The following THBS4 variants were observed in gnomAD, a reference collection of about 807,000 sequenced individuals.
The protein encoded by THBS4 is thrombospondin-4.
THBS4 carries 90 observed loss-of-function variants against 115.7 expected under a neutral mutation model. The ratio of observed to expected loss-of-function variants is 0.78; its 90% CI spans 0.66 to 0.93. The LOEUF (loss-of-function observed/expected upper bound fraction) is 0.93. THBS4 is among the 40% of genes least tolerant of loss of function. The probability of loss-of-function intolerance (pLI) is 0.00; values close to 1 mark genes in which losing one functional copy is unlikely to be tolerated. For missense variants in THBS4, 1,087 were observed against 1,232.7 expected, an observed-to-expected ratio of 0.88 and a Z score of 1.77; for synonymous variants, 460 against 479.3, an observed-to-expected ratio of 0.96 and a Z score of 0.53.
intron 1 of THBS4, chr5:79,998,275 C>T (rs536690420): frequency 3.7e-4 from 56 of 152,384 alleles, no homozygotes; most frequent in African/African-American, 1.2e-3. Flanking sequence ...TCTCATGAGT[C>T]CTGGTTGTTT....
At chr5:80,066,049 C>T (rs1008541940) in intron 9 of THBS4, among the ~76,000 whole-genome samples, 4 of 147,836 alleles carry the variant, frequency 2.7e-5, no homozygotes, top group East Asian at 2.0e-4. Context: ...GAGCCGAGAT[C>T]GCACCACTGC....
chr5:80,081,004 CTT>C (rs1425571495), intron 20 of THBS4, among the ~76,000 whole-genome samples: 3 of 152,068 alleles, frequency 2.0e-5, no homozygotes, highest in East Asian at 1.9e-4. Flanking sequence ...CTTTATAGGA[CTT>C]TTTTGTTGTT....
intron 11 of THBS4, 90 bp downstream of exon 11, chr5:80,070,500 T>C: frequency 6.9e-7 from 1 of 1,440,740 alleles, no homozygotes; most frequent in Non-Finnish European, 9.7e-7. Flanking sequence ...GGATCTAATT[T>C]AAAATTGTAC....
chr5:80,051,767 C>T (rs780150562), intron 2 of THBS4, among the ~76,000 whole-genome samples: 15 of 152,144 alleles, frequency 9.9e-5, no homozygotes, highest in Non-Finnish European at 1.6e-4. Flanking sequence ...ATTTAGTGTG[C>T]ACCTGCTATA....
chr5:80,038,958 A>G lies in THBS4; in HGVS notation c.89-1119A>G, dbSNP rs184630048. Among the ~76,000 whole-genome samples, 47 of 152,344 alleles carry G rather than the reference A, an allele frequency of 3.1e-4. No individual in the cohort carries two copies. In the East Asian group the frequency reaches 8.7e-3, roughly 28 times the overall value. On this transcript the variant is annotated intron_variant, in intron 1 of 21. Transcript: ENST00000350881. Reference sequence around the variant, plus strand: ...ATTTTCCAATTCGATGGTGAAAACAATACGTTATTGTTTAAGTTAGCAACT... The same window carrying G: ...ATTTTCCAATTCGATGGTGAAAACAGTACGTTATTGTTTAAGTTAGCAACT...
chr5:80,065,446 G>A lies in THBS4; in HGVS notation c.1163G>A (p.Cys388Tyr), dbSNP rs755582206. The A allele has an allele frequency of 3.1e-6, 5 of 1,613,762 alleles. No homozygotes were observed. Among genetic ancestry groups the A allele is most frequent in the Non-Finnish European group, 4.2e-6 (5 of 1,179,912 alleles). ...ATTGATGAGTGTCGAAATGGAGCGT[G>A]CGTTCCCAACTCGATCTGCGTTAAT... ...TDIDECRNGA[C>Y]VPNSICVNTL... The change falls in exon 9 of 22, where the codon TGC becomes TAC. Residue 388 changes from cysteine (C) to tyrosine (Y), a missense_variant. This residue lies in a region of THBS4 where 979 missense variants were observed against 1,103.7 expected (regional missense o/e 0.89). Transcript: ENST00000350881.
upstream of THBS4, among the ~76,000 whole-genome samples, chr5:80,030,450 C>T (rs955714423): frequency 1.3e-5 from 2 of 152,152 alleles, no homozygotes; most frequent in Non-Finnish European, 2.9e-5. Flanking sequence ...TCACTGCAAC[C>T]TCCACCTCCC....
intron 2 of THBS4, among the ~76,000 whole-genome samples, chr5:80,028,844 GT>G (rs1832530479): frequency 1.3e-5 from 2 of 152,010 alleles, no homozygotes; most frequent in Non-Finnish European, 2.9e-5. Flanking sequence ...TAATACTAGT[GT>G]TCCCCAGTGT....
At position 80,060,169 on chromosome 5, in the gene THBS4, C is replaced by T. The variant is rs141655023; in HGVS notation, c.987+264C>T. On this transcript the variant is annotated intron_variant, in intron 7 of 21. Coordinates refer to ENST00000350881, the MANE Select transcript of THBS4 (RefSeq NM_003248.6). ...ACAGTGCTGAGGTTTCTGCTTTACA[C>T]GCTGACATTTGCATTGGTTATTTCT... 1.9e-3 allele frequency among the ~76,000 whole-genome samples: 283 copies of T among 152,362 alleles called. 2 individuals carry two copies. The highest frequency in any genetic ancestry group is 6.3e-3 in the African/African-American group (262 of 41,590).
At chr5:80,080,212 C>G in intron 20 of THBS4, 135 bp downstream of exon 20, 1 of 1,064,868 alleles carries the variant, frequency 9.4e-7, no homozygotes, top group Non-Finnish European at 1.3e-6. Context: ...TTTGTGACCG[C>G]AGGATGGGGA....
intron 7 of THBS4, among the ~76,000 whole-genome samples, chr5:80,061,212 A>G (rs1833621197): frequency 6.6e-6 from 1 of 152,162 alleles, no homozygotes; most frequent in South Asian, 2.1e-4. Context: ...AATAGCATGG[A>G]CTTGACAGGA....
intron 2 of THBS4, among the ~76,000 whole-genome samples, chr5:80,045,792 A>C (rs1001863670): frequency 2.6e-5 from 4 of 152,048 alleles, no homozygotes; most frequent in Non-Finnish European, 5.9e-5. Context: ...CGGCCTCCCA[A>C]AGTGCTGGGA....
chr5:80,068,531 T>C (rs968129905), intron 10 of THBS4: 10 of 188,754 alleles, frequency 5.3e-5, no homozygotes, highest in East Asian at 1.5e-4. Context: ...CATCTCTAAC[T>C]GTCCTCATCC....
At chr5:80,077,952 T>G in intron 16 of THBS4, 97 bp from the exon 17 acceptor site, 2 of 1,078,734 alleles carry the variant, frequency 1.9e-6, no homozygotes, top group East Asian at 2.9e-5. Flanking sequence ...TGTGGGAGCT[T>G]GAGCCCTTCT....
At chr5:80,001,714 T>C (rs771189453) in intron 2 of THBS4, among the ~76,000 whole-genome samples, 4 of 152,144 alleles carry the variant, frequency 2.6e-5, no homozygotes, top group Non-Finnish European at 4.4e-5. Flanking sequence ...CTACGTATAA[T>C]TCAACATTTC....
intron 1 of THBS4, among the ~76,000 whole-genome samples, chr5:79,992,649 A>G (rs1831707089): frequency 6.6e-6 from 1 of 152,262 alleles, no homozygotes; most frequent in Admixed American, 6.5e-5. Context: ...CTTAGACATC[A>G]TAAGGTTCTG....
In THBS4 at chr5:80,061,746, G is replaced by A. The variant is rs375137091; in HGVS notation, c.1039G>A (p.Gly347Ser). Reference sequence around the variant, plus strand: ...CGTGCACTGCATAAATTTGTCTCCTGGCTTCAGATGTGACGCCTGCCCAGT... The same window carrying A: ...CGTGCACTGCATAAATTTGTCTCCTAGCTTCAGATGTGACGCCTGCCCAGT... Reference protein sequence around the residue: ...PGVHCINLSPGFRCDACPVGF... With the variant: ...PGVHCINLSPSFRCDACPVGF... Residue 347 changes from glycine to serine, a missense_variant, in exon 8 of 22, where the codon GGC becomes AGC. Physicochemically the swap from Gly to Ser is moderately conservative, Grantham distance 56 (BLOSUM62 0). Coordinates refer to ENST00000350881, the MANE Select transcript of THBS4 (RefSeq NM_003248.6). 6.2e-7 allele frequency: 1 copy of A among 1,614,108 alleles called. No individual in the cohort carries two copies. Among genetic ancestry groups the A allele is most frequent in the South Asian group, 1.1e-5 (1 of 91,068 alleles).
intron 9 of THBS4, 141 bp from the exon 10 acceptor site, chr5:80,067,832 C>A: frequency 1.1e-6 from 1 of 912,084 alleles, no homozygotes; most frequent in Non-Finnish European, 1.6e-6. Context: ...TACATGTAAG[C>A]AAAGAAGAAG....
intron 1 of THBS4, among the ~76,000 whole-genome samples, chr5:79,997,502 A>G (rs1223065777): frequency 6.6e-6 from 1 of 152,236 alleles, no homozygotes; most frequent in Non-Finnish European, 1.5e-5. Flanking sequence ...TTCAAAATAC[A>G]TGAAGCAAAA....
Sources: gnomAD v4.1 joint callset for allele counts (sites outside exome capture counted in the v4.1 genomes callset) on GRCh38, gnomAD v4.1.1 for gene constraint, gnomAD v4.1.1 regional missense constraint, MANE v1.5 for transcripts, NCBI Gene and HGNC (gene_info 2026-07-23, HGNC 2026-07-21) for gene names.